The following NRXN3 variants were observed in gnomAD, a reference collection of about 807,000 sequenced individuals.
The protein encoded by NRXN3 is neurexin III.
NRXN3 carries 32 observed loss-of-function variants against 137.6 expected under a neutral mutation model. The observed-to-expected ratio is 0.23, with a 90% confidence interval of 0.18 to 0.31. The LOEUF is 0.31. Among genes scored for constraint, NRXN3 ranks in the 10% least tolerant of loss-of-function variants. The probability of loss-of-function intolerance (pLI) is 1.00; values close to 1 mark genes in which losing one functional copy is unlikely to be tolerated. For missense variants in NRXN3, 1,574 were observed against 2,062.5 expected (o/e 0.76, Z 4.59); for synonymous variants, 798 against 784.5 (o/e 1.02, Z -0.29).
intron 6 of NRXN3, among the ~76,000 whole-genome samples, chr14:78,681,566 A>G (rs2098075968): frequency 6.6e-6 from 1 of 152,052 alleles, no homozygotes; most frequent in African/African-American, 2.4e-5. Flanking sequence ...AAACATAAGT[A>G]TTTTTCGTTT....
chr14:78,419,042 C>T (rs552862140), intron 4 of NRXN3, among the ~76,000 whole-genome samples: 1 of 152,180 alleles, frequency 6.6e-6, no homozygotes, highest in Non-Finnish European at 1.5e-5. Flanking sequence ...ACATTGCCAA[C>T]CTTTACATGA....
intron 4 of NRXN3, among the ~76,000 whole-genome samples, chr14:78,644,311 C>T (rs61976142): frequency 0.05 from 7,666 of 152,040 alleles, 254 homozygotes; most frequent in Middle Eastern, 0.14. Flanking sequence ...CAGTAGAATG[C>T]GATCTTGGCC....
At chr14:79,117,803 G>C (rs576391875) in intron 15 of NRXN3, among the ~76,000 whole-genome samples, 3 of 152,198 alleles carry the variant, frequency 2.0e-5, no homozygotes, top group Non-Finnish European at 4.4e-5. Flanking sequence ...TTCAAGGTGA[G>C]CCCTTAAGAA....
intron 10 of NRXN3, among the ~76,000 whole-genome samples, chr14:78,930,597 A>G (rs1464111406): frequency 6.6e-6 from 1 of 152,214 alleles, no homozygotes; most frequent in Non-Finnish European, 1.5e-5. Context: ...AAGCTAAGGC[A>G]GGGAAGAAAG....
chr14:78,712,742 T>C (rs1453484510), intron 7 of NRXN3, among the ~76,000 whole-genome samples: 1 of 152,088 alleles, frequency 6.6e-6, no homozygotes, highest in Non-Finnish European at 1.5e-5. Context: ...TTTGTATTTT[T>C]AGTAAAGATG....
At chr14:78,490,717 G>T (rs2095650537) in intron 4 of NRXN3, among the ~76,000 whole-genome samples, 1 of 152,086 alleles carries the variant, frequency 6.6e-6, no homozygotes, top group Admixed American at 6.5e-5. Context: ...GACCCACTTT[G>T]GGAACTTTAC....
chr14:78,285,115 G>A (rs1457037273), intron 3 of NRXN3, among the ~76,000 whole-genome samples: 1 of 152,278 alleles, frequency 6.6e-6, no homozygotes, highest in East Asian at 1.9e-4. Flanking sequence ...AGAATCAGAT[G>A]ACCTTTCAGG....
At chr14:79,002,734 A>C (rs1404183075) in intron 15 of NRXN3, among the ~76,000 whole-genome samples, 3 of 152,162 alleles carry the variant, frequency 2.0e-5, no homozygotes, top group African/African-American at 7.2e-5. Flanking sequence ...GTATATACCC[A>C]GTAGTGGGAT....
intron 16 of NRXN3, among the ~76,000 whole-genome samples, chr14:79,622,038 G>A (rs1272805940): frequency 6.6e-6 from 1 of 152,180 alleles, no homozygotes; most frequent in East Asian, 1.9e-4. Context: ...GAGAGGCACT[G>A]GGCTAGAATA....
chr14:79,090,589 T>A (rs1013006579), intron 15 of NRXN3, among the ~76,000 whole-genome samples: 9 of 152,234 alleles, frequency 5.9e-5, no homozygotes, highest in Admixed American at 3.3e-4. Flanking sequence ...TCCCCAGTGC[T>A]TCTGTCACCA....
chr14:78,527,548 A>G (rs2096399032), intron 4 of NRXN3, among the ~76,000 whole-genome samples: 1 of 152,208 alleles, frequency 6.6e-6, no homozygotes, highest in Non-Finnish European at 1.5e-5. Flanking sequence ...GGGTGGGGAC[A>G]CAGATCCAAA....
At chr14:78,997,022 G>A (rs1173981567) in intron 15 of NRXN3, among the ~76,000 whole-genome samples, 1 of 152,100 alleles carries the variant, frequency 6.6e-6, no homozygotes, top group Non-Finnish European at 1.5e-5. Flanking sequence ...ATATTAAGAA[G>A]GGATGATTTG....
rs118079651 is a variant in NRXN3 at position 78,378,738 on chromosome 14, G to A, written c.757+80878G>A. ...AAAAATCTAGAGATCAAAGAGCAAA[G>A]TAAGTCCAAAGAAAGCAGAAGAAAG... On this transcript the variant is annotated intron_variant, in intron 4 of 20. Coordinates refer to ENST00000335750, the MANE Select transcript of NRXN3 (RefSeq NM_001330195.2). Among the ~76,000 whole-genome samples the A allele has an allele frequency of 5.3e-3, 799 of 151,882 alleles. 33 individuals are homozygous for A. In the East Asian group the frequency reaches 0.084, roughly 16 times the overall value.
intron 8 of NRXN3, among the ~76,000 whole-genome samples, chr14:78,749,898 C>T (rs2098632973): frequency 6.6e-6 from 1 of 152,216 alleles, no homozygotes; most frequent in South Asian, 2.1e-4. Flanking sequence ...ATTATCTTGT[C>T]CTGTCTCATC....
intron 4 of NRXN3, among the ~76,000 whole-genome samples, chr14:78,599,232 G>A (rs2152430005): frequency 6.6e-6 from 1 of 152,348 alleles, no homozygotes; most frequent in African/African-American, 2.4e-5. Context: ...GAAATGAGGG[G>A]AAATAGCACA....
Position 79,533,929 on chromosome 14 carries a change from TA to T in NRXN3, c.3444+66529del, listed in dbSNP as rs1335430550. Among the ~76,000 whole-genome samples, 3 of 152,190 alleles carry T rather than the reference TA, an allele frequency of 2.0e-5. No individual in the cohort carries two copies. In the East Asian group the frequency reaches 5.8e-4, roughly 29 times the overall value. On this transcript the variant is annotated intron_variant, in intron 16 of 20. Transcript: ENST00000335750. ...CTCTATAGTAATTAATAGTAATTGA[TA>T]ACAACTTGTAGCAATTAAGATCTAA... is the stretch of plus-strand genomic sequence containing the variant.
chr14:78,558,917 A>G (rs1244074428), intron 4 of NRXN3, among the ~76,000 whole-genome samples: 3 of 152,190 alleles, frequency 2.0e-5, no homozygotes, highest in Non-Finnish European at 4.4e-5. Flanking sequence ...CTCTAATTCA[A>G]AACCAGGTCT....
chr14:78,173,761 C>T (rs187793647), intron 1 of NRXN3, among the ~76,000 whole-genome samples: 2 of 120,756 alleles, frequency 1.7e-5, no homozygotes, highest in Admixed American at 2.2e-4. Context: ...TTCCTACATG[C>T]CACACGGATG....
intron 10 of NRXN3, among the ~76,000 whole-genome samples, chr14:78,892,076 T>C (rs2099160557): frequency 6.6e-6 from 1 of 151,966 alleles, no homozygotes; most frequent in Non-Finnish European, 1.5e-5. Flanking sequence ...TGGGGACTTG[T>C]TAGAAATGGA....
Sources: gnomAD v4.1 joint callset for allele counts (sites outside exome capture counted in the v4.1 genomes callset) on GRCh38, gnomAD v4.1.1 for gene constraint, MANE v1.5 for transcripts, NCBI Gene and HGNC (gene_info 2026-07-23, HGNC 2026-07-21) for gene names.